AGBL4: variants seen among roughly 807,000 people sequenced by gnomAD.
The protein encoded by AGBL4 is cytosolic carboxypeptidase 6.
In AGBL4, 58 loss-of-function variants were observed where a neutral mutation model predicts 66.4. The observed-to-expected ratio is 0.87, with a 90% confidence interval of 0.71 to 1.09. AGBL4 has a LOEUF of 1.09. AGBL4 is among the 50% of genes least tolerant of loss of function. The probability of loss-of-function intolerance (pLI) is 0.00; values close to 1 mark genes in which losing one functional copy is unlikely to be tolerated. For synonymous variants in AGBL4, 234 were observed against 222.9 expected (o/e 1.05, Z -0.44); for missense variants, 579 against 631.0 (o/e 0.92, Z 0.88).
At chr1:49,007,717 A>C (rs1481270479) in intron 5 of AGBL4, among the ~76,000 whole-genome samples, 1 of 151,352 alleles carries the variant, frequency 6.6e-6, no homozygotes, top group Non-Finnish European at 1.5e-5. Flanking sequence ...AGTGGGGGCC[A>C]ATATTCAACA....
intron 1 of AGBL4, among the ~76,000 whole-genome samples, chr1:49,953,880 A>G (rs531048101): frequency 6.6e-6 from 1 of 151,794 alleles, no homozygotes; most frequent in East Asian, 1.9e-4. Flanking sequence ...CTGGGTGAAA[A>G]TATGTATTTA....
At chr1:49,261,766 A>T (rs1442105476) in intron 3 of AGBL4, among the ~76,000 whole-genome samples, 1 of 148,272 alleles carries the variant, frequency 6.7e-6, no homozygotes, top group African/African-American at 2.5e-5. Context: ...TGCCATCCCC[A>T]TCAAGCTACC....
At chr1:49,506,755 A>C (rs1033920890) in intron 3 of AGBL4, among the ~76,000 whole-genome samples, 4 of 152,100 alleles carry the variant, frequency 2.6e-5, no homozygotes, top group Admixed American at 6.6e-5. Flanking sequence ...GGGAAATAAT[A>C]GTTTACTTAA....
chr1:49,644,102 T>A (rs76040262), intron 3 of AGBL4, among the ~76,000 whole-genome samples: 1 of 151,598 alleles, frequency 6.6e-6, no homozygotes, highest in Admixed American at 6.6e-5. Context: ...GAGGTTGTTA[T>A]AATACACAAT....
chr1:49,582,971 A>AAT (rs1401192602), intron 3 of AGBL4, among the ~76,000 whole-genome samples: 4 of 152,180 alleles, frequency 2.6e-5, no homozygotes, highest in Non-Finnish European at 2.9e-5. Context: ...TATGACAAGA[A>AAT]ATATATATAT....
chr1:49,998,818 A>T (rs1660544209), intron 1 of AGBL4, among the ~76,000 whole-genome samples: 1 of 152,224 alleles, frequency 6.6e-6, no homozygotes, highest in South Asian at 2.1e-4. Flanking sequence ...CATAAACAGA[A>T]TTAAAAACAA....
rs1183451351 is a variant in AGBL4, at chr1:48,993,873, G to A, written c.594+51711C>T. Among the ~76,000 whole-genome samples the A allele has an allele frequency of 2.0e-5, 3 of 152,150 alleles. No homozygotes were observed. The East Asian group carries it at 5.8e-4, about 29-fold the overall frequency. On this transcript the variant is annotated intron_variant, in intron 5 of 13. Transcript: ENST00000371839. ...CATGATGCCAGGAGAAGGGGGAGGGGTGGCATCAGCAATTCAAGATGGTAT... is the reference window on the plus strand; with the variant it reads ...CATGATGCCAGGAGAAGGGGGAGGGATGGCATCAGCAATTCAAGATGGTAT...
chr1:48,866,114 C>A (rs191163710), intron 6 of AGBL4, among the ~76,000 whole-genome samples: 1 of 152,244 alleles, frequency 6.6e-6, no homozygotes, highest in East Asian at 1.9e-4. Flanking sequence ...CTTACAGTTG[C>A]AGTCACTTTT....
At chr1:49,943,339 G>A (rs1654934638) in intron 1 of AGBL4, among the ~76,000 whole-genome samples, 1 of 152,140 alleles carries the variant, frequency 6.6e-6, no homozygotes, top group Non-Finnish European at 1.5e-5. Context: ...ACTGCATCAT[G>A]AACTTTTGCT....
intron 5 of AGBL4, among the ~76,000 whole-genome samples, chr1:48,983,584 G>A (rs1317941183): frequency 1.3e-5 from 2 of 152,144 alleles, no homozygotes; most frequent in East Asian, 1.9e-4. Flanking sequence ...CAAACAAATA[G>A]CAAAAATGTA....
intron 11 of AGBL4, among the ~76,000 whole-genome samples, chr1:48,570,857 CT>C (rs1644551212): frequency 6.6e-6 from 1 of 152,144 alleles, no homozygotes; most frequent in Non-Finnish European, 1.5e-5. Context: ...GTCACACTTT[CT>C]TATGAGGGAA....
At position 48,736,333 on chromosome 1, in the gene AGBL4, C is replaced by G. The variant is rs775711008; in HGVS notation, c.635-73092G>C. The G allele has an allele frequency of 2.5e-6, 4 of 1,614,040 alleles. No individual in the cohort carries two copies. In the East Asian group the frequency reaches 8.9e-5, roughly 36 times the overall value. ...CGACGCCTGTGACGCTTCTGTTTTT[C>G]AGAACATCTGTTCCCCAAATCATAA... On this transcript the variant is annotated intron_variant, in intron 6 of 13. Coordinates refer to ENST00000371839, the MANE Select transcript of AGBL4 (RefSeq NM_032785.4). The surrounding 1 kb of genome is among the most constrained non-coding windows in gnomAD (Gnocchi z 4.0).
intron 5 of AGBL4, among the ~76,000 whole-genome samples, chr1:48,906,816 G>T (rs1176763155): frequency 6.6e-6 from 1 of 152,190 alleles, no homozygotes; most frequent in Non-Finnish European, 1.5e-5. Context: ...TTTTAAATCT[G>T]CAGAGGAATG....
intron 1 of AGBL4, among the ~76,000 whole-genome samples, chr1:49,881,147 AC>A (rs1647257439): frequency 2.0e-5 from 3 of 152,232 alleles, no homozygotes; most frequent in Admixed American, 6.5e-5. Flanking sequence ...GGAGCTGTAG[AC>A]CAGAGCTGTT....
chr1:49,721,848 T>A (rs188608461), intron 2 of AGBL4, among the ~76,000 whole-genome samples: 1 of 152,056 alleles, frequency 6.6e-6, no homozygotes, highest in East Asian at 1.9e-4. Flanking sequence ...TTGGCTTTCA[T>A]AGGAAAGAAG....
chr1:48,954,015 C>T (rs757213318), intron 5 of AGBL4, among the ~76,000 whole-genome samples: 8 of 152,158 alleles, frequency 5.3e-5, no homozygotes, highest in Non-Finnish European at 1.2e-4. Flanking sequence ...TCTAGCTGCC[C>T]CGAGCAGAGT....
intron 5 of AGBL4, among the ~76,000 whole-genome samples, chr1:48,876,538 C>G (rs1387424277): frequency 6.6e-6 from 1 of 152,094 alleles, no homozygotes; most frequent in Non-Finnish European, 1.5e-5. Context: ...TTTCAAGTGA[C>G]AGTAGGTTGT....
chr1:48,941,402 T>A (rs1434858988), intron 5 of AGBL4, among the ~76,000 whole-genome samples: 1 of 152,170 alleles, frequency 6.6e-6, no homozygotes, highest in African/African-American at 2.4e-5. Flanking sequence ...TTTCAATAGG[T>A]CACAATTTTC....
intron 5 of AGBL4, among the ~76,000 whole-genome samples, chr1:48,924,880 A>T (rs894573054): frequency 6.6e-6 from 1 of 152,104 alleles, no homozygotes; most frequent in Non-Finnish European, 1.5e-5. Context: ...ACAACAAAAT[A>T]AAATTTTAAA....
Sources: gnomAD v4.1 joint callset for allele counts (sites outside exome capture counted in the v4.1 genomes callset) on GRCh38, gnomAD v4.1.1 for gene constraint, Gnocchi (gnomAD v3.1) non-coding constraint, MANE v1.5 for transcripts, NCBI Gene and HGNC (gene_info 2026-07-23, HGNC 2026-07-21) for gene names.